KATNAL2: variants seen among roughly 807,000 people sequenced by gnomAD.
The protein encoded by KATNAL2 is katanin catalytic subunit A1 like 2.
Under a neutral mutation model 76.3 loss-of-function variants are expected in KATNAL2, and 52 were observed. The ratio of observed to expected loss-of-function variants is 0.68; its 90% CI spans 0.55 to 0.86. The LOEUF (loss-of-function observed/expected upper bound fraction) is 0.86. KATNAL2 is among the 40% of genes least tolerant of loss of function. The probability of loss-of-function intolerance (pLI) is 0.00; values close to 1 mark genes in which losing one functional copy is unlikely to be tolerated. For missense variants in KATNAL2, 660 were observed against 668.9 expected (o/e 0.99, Z 0.15); for synonymous variants, 243 against 244.2 (o/e 1.00, Z 0.05).
At chr18:46,935,755 A>C (rs2059070753) in intron 1 of KATNAL2, among the ~76,000 whole-genome samples, 1 of 152,056 alleles carries the variant, frequency 6.6e-6, no homozygotes, top group Admixed American at 6.6e-5. Context: ...ATCTCTACTA[A>C]AAATACAAAA....
chr18:47,051,963 T>C (rs957140502), intron 4 of KATNAL2, among the ~76,000 whole-genome samples: 2 of 152,224 alleles, frequency 1.3e-5, no homozygotes, highest in Non-Finnish European at 2.9e-5. Context: ...CTTTCTACTT[T>C]CCTGGATCTA....
chr18:47,066,470 G>C (rs2061795633), intron 10 of KATNAL2, among the ~76,000 whole-genome samples: 1 of 152,178 alleles, frequency 6.6e-6, no homozygotes, highest in African/African-American at 2.4e-5. Context: ...AATTGCTCCT[G>C]CTGGAAGTAG....
intron 3 of KATNAL2, among the ~76,000 whole-genome samples, chr18:46,954,464 G>A (rs1356662953): frequency 2.0e-5 from 3 of 151,020 alleles, no homozygotes; most frequent in East Asian, 2.0e-4. Flanking sequence ...CTGAGTAGCT[G>A]GGACTACAGG....
At chr18:46,920,389 T>G (rs1293536516) in intron 1 of KATNAL2, among the ~76,000 whole-genome samples, 1 of 152,180 alleles carries the variant, frequency 6.6e-6, no homozygotes, top group Non-Finnish European at 1.5e-5. Flanking sequence ...CACTCGCCAT[T>G]TTGCTACAGT....
In KATNAL2 at chr18:46,946,367, C is replaced by T. The variant is rs2059381406; in HGVS notation, c.-199C>T. The T allele has an allele frequency of 9.7e-7, 1 of 1,025,720 alleles. No homozygotes were observed. Among genetic ancestry groups the T allele is most frequent in the Non-Finnish European group, 1.2e-6 (1 of 852,764 alleles). 63.5% of individuals were successfully genotyped at this position (1,025,720 alleles called of 1,614,324 possible). On this transcript the variant is annotated 5_prime_UTR_variant, in exon 2 of 18. Coordinates refer to ENST00000683218, the MANE Select transcript of KATNAL2 (RefSeq NM_001387690.1). The stretch of plus-strand genomic sequence containing the variant: ...CTCTTGACAACCAAAGTGTCCACAG[C>T]AGATTCGTCCAGTCTAGATAGACCA...
chr18:46,931,688 G>GAGGA (rs1313825050), intron 1 of KATNAL2, among the ~76,000 whole-genome samples: 2 of 149,678 alleles, frequency 1.3e-5, no homozygotes, highest in Non-Finnish European at 3.0e-5. Flanking sequence ...AAGAAAGAAA[G>GAGGA]AGGAAGGAAG....
chr18:47,063,080 G>A lies in KATNAL2; in HGVS notation c.648+10G>A, dbSNP rs200985284. The A allele has an allele frequency of 1.7e-5, 28 of 1,607,370 alleles. No individual in the cohort carries two copies. Among genetic ancestry groups the A allele is most frequent in the Non-Finnish European group, 1.9e-5 (22 of 1,174,206 alleles). On this transcript the variant is annotated intron_variant, in intron 9 of 17. Coordinates refer to ENST00000683218, the MANE Select transcript of KATNAL2 (RefSeq NM_001387690.1). Reference sequence around the variant, plus strand: ...TAATCCAGACCCCTCAGTAAGTGGCGAAGATGTGACATTCATCTTTCAAAT... The same window carrying A: ...TAATCCAGACCCCTCAGTAAGTGGCAAAGATGTGACATTCATCTTTCAAAT...
chr18:46,961,184 G>C (rs2059932027), intron 3 of KATNAL2, among the ~76,000 whole-genome samples: 1 of 151,978 alleles, frequency 6.6e-6, no homozygotes, highest in Admixed American at 6.6e-5. Context: ...GGACCAGGTG[G>C]TGGCTCCAGG....
intron 3 of KATNAL2, among the ~76,000 whole-genome samples, chr18:47,045,331 T>TTTCTTTTCTTTTC (rs758686226): frequency 2.2e-3 from 89 of 39,696 alleles, no homozygotes; most frequent in African/African-American, 5.8e-3. Context: ...TTTCTTTTCT[T>TTTCTTTTCTTTTC]TTTTTTTTTT....
rs765808085 is a variant in KATNAL2 at position 47,046,562 on chromosome 18, CCT to C, written c.122+38_122+39del. 37 of 1,346,712 alleles carry C rather than the reference CCT, an allele frequency of 2.7e-5. No homozygotes were observed. The Middle Eastern group carries it at 7.4e-4, about 27-fold the overall frequency. The allele number at this position is 1,346,712 out of a possible 1,614,324, so 83.4% of individuals were successfully genotyped here. ...AGTACAAACATTTATAGAGATGATT[CCT>C]CTTTCTCTGCTCTCTACTTTTCCAG... On this transcript the variant is annotated intron_variant, in intron 4 of 17. Coordinates refer to ENST00000683218, the MANE Select transcript of KATNAL2 (RefSeq NM_001387690.1).
chr18:47,035,407 G>T lies in KATNAL2; in HGVS notation c.52-11050G>T, dbSNP rs140604456. ...GGGATGTGGAGTCACAGCCTGGAGC[G>T]AGCTGGGTCCTCGGAGCAGCAGGCC... is the stretch of plus-strand genomic sequence containing the variant. On this transcript the variant is annotated intron_variant, in intron 3 of 17. Coordinates refer to ENST00000683218, the MANE Select transcript of KATNAL2 (RefSeq NM_001387690.1). 1,762 of 1,484,080 alleles carry T rather than the reference G, an allele frequency of 1.2e-3. 19 individuals carry two copies. In the African/African-American group the frequency reaches 0.021, roughly 18 times the overall value. The allele number at this position is 1,484,080 out of a possible 1,614,324, so 91.9% of individuals were successfully genotyped here.
intron 1 of KATNAL2, among the ~76,000 whole-genome samples, chr18:46,934,156 T>C (rs2059019886): frequency 6.6e-6 from 1 of 152,048 alleles, no homozygotes; most frequent in Non-Finnish European, 1.5e-5. Flanking sequence ...CCTTTGGGTA[T>C]ATACCCAGTA....
intron 3 of KATNAL2, chr18:47,034,864 C>T: frequency 6.2e-7 from 1 of 1,612,114 alleles, no homozygotes; most frequent in Non-Finnish European, 8.5e-7. Flanking sequence ...CGGAGGTGTT[C>T]TGCGTGCTGT....
chr18:46,928,714 C>T (rs921330971), intron 1 of KATNAL2, among the ~76,000 whole-genome samples: 2 of 152,152 alleles, frequency 1.3e-5, no homozygotes, highest in Admixed American at 6.6e-5. Flanking sequence ...CCCCCTGATA[C>T]GGAACATTTT....
intron 5 of KATNAL2, among the ~76,000 whole-genome samples, chr18:47,053,403 A>C (rs1386833804): frequency 4.6e-5 from 7 of 152,194 alleles, no homozygotes. Flanking sequence ...TTTTTAGGAG[A>C]CCTATTATCT....
At chr18:47,071,407 G>A (rs2061994203) in intron 13 of KATNAL2, among the ~76,000 whole-genome samples, 2 of 152,196 alleles carry the variant, frequency 1.3e-5, no homozygotes, top group South Asian at 4.2e-4. Flanking sequence ...AGAGTGTCAG[G>A]GGGAACAGGG....
chr18:47,036,877 T>A (rs1224457739), intron 3 of KATNAL2, among the ~76,000 whole-genome samples: 4 of 152,218 alleles, frequency 2.6e-5, no homozygotes, highest in African/African-American at 7.2e-5. Context: ...TTTCTAGCAT[T>A]TTTTTGGGTT....
At chr18:46,948,898 G>T (rs1315592443) in intron 3 of KATNAL2, among the ~76,000 whole-genome samples, 1 of 151,518 alleles carries the variant, frequency 6.6e-6, no homozygotes, top group African/African-American at 2.4e-5. Context: ...TTGTGTGTGT[G>T]TGTGTGTGTG....
At chr18:46,943,082 G>C (rs1331293398) in intron 1 of KATNAL2, among the ~76,000 whole-genome samples, 1 of 151,998 alleles carries the variant, frequency 6.6e-6, no homozygotes, top group Non-Finnish European at 1.5e-5. Context: ...TGGGAGTAAT[G>C]GTAATTTTTC....
Sources: allele counts gnomAD v4.1 joint callset (sites outside exome capture counted in the v4.1 genomes callset), GRCh38; gene constraint gnomAD v4.1.1; transcripts MANE v1.5; gene names NCBI Gene and HGNC (gene_info 2026-07-23, HGNC 2026-07-21).